ZNF280B: variants seen among roughly 807,000 people sequenced by gnomAD.
The protein encoded by ZNF280B is zinc finger protein 280B.
In ZNF280B, 16 loss-of-function variants were observed where a neutral mutation model predicts 38.0. That is an observed-to-expected ratio of 0.42 (90% CI 0.28 to 0.64). ZNF280B has a LOEUF of 0.64. Ranked by LOEUF, ZNF280B falls within the 30% of genes least tolerant of loss-of-function variation. The pLI, the probability that ZNF280B is intolerant of heterozygous loss-of-function variation, is 0.21. For synonymous variants in ZNF280B, 253 were observed against 230.6 expected (o/e 1.10, Z -0.88); for missense variants, 581 against 639.6 (o/e 0.91, Z 0.99).
rs1203041550 is a variant in ZNF280B at position 22,488,803 on chromosome 22, G to A, written c.596C>T (p.Ser199Phe). The A allele has an allele frequency of 6.2e-7, 1 of 1,613,826 alleles. No homozygotes were observed. ...KLRDGIIEGN[S>F]SASFPSDTFH... ...GGTATCTGAAGGGAATGAAGCTGAA[G>A]AATTTCCTTCTATAATTCCATCCCT... The change falls in exon 4 of 4, where the codon TCT becomes TTT. Residue 199 changes from serine (S) to phenylalanine (F), a missense_variant. Transcript: ENST00000626650.
intron 2 of ZNF280B, among the ~76,000 whole-genome samples, chr22:22,504,471 G>A (rs1390602334): frequency 1.3e-5 from 2 of 150,454 alleles, no homozygotes; most frequent in Non-Finnish European, 2.9e-5. Flanking sequence ...ACATTAACTA[G>A]GTGTTAAAAG....
intron 2 of ZNF280B, among the ~76,000 whole-genome samples, chr22:22,504,445 C>T (rs1350795828): frequency 7.2e-6 from 1 of 138,664 alleles, no homozygotes; most frequent in African/African-American, 2.7e-5. Flanking sequence ...AAAAAACAAA[C>T]AAACAACTTG....
At position 22,488,869 on chromosome 22, in the gene ZNF280B, G is replaced by A; in HGVS notation, c.530C>T (p.Thr177Ile). ...GGGATTTATGCTGTTTACTTCGAAA[G>A]TGGAAAGTTGCTTTGATACACGAGG... The part of the protein sequence containing the change: ...ESPRVSKQLS[T>I]FEVNSINPKR... The change falls in exon 4 of 4, where the codon ACT (threonine) becomes ATT (isoleucine). Residue 177 changes from threonine (T) to isoleucine (I), a missense_variant. Physicochemically the swap from Thr to Ile is moderately conservative, Grantham distance 89. Transcript: ENST00000626650. 6.2e-7 allele frequency: 1 copy of A among 1,613,740 alleles called. No individual in the cohort carries two copies. Among genetic ancestry groups the A allele is most frequent in the Non-Finnish European group, 8.5e-7 (1 of 1,179,984 alleles).
In ZNF280B at chr22:22,486,941, T is replaced by C. The variant is rs1279795570; in HGVS notation, c.*826A>G. On this transcript the variant is annotated 3_prime_UTR_variant, in exon 4 of 4. Coordinates refer to ENST00000626650, the MANE Select transcript of ZNF280B (RefSeq NM_080764.4). The stretch of plus-strand genomic sequence containing the variant: ...GGCTTTTCAGAATCTTTTCAGGTTA[T>C]TTTATGCCAGCACAGCAGAGGCACT... 3 of 152,032 alleles carry C rather than the reference T, an allele frequency of 2.0e-5. No individual in the cohort carries two copies. The highest frequency in any genetic ancestry group is 4.4e-5 in the Non-Finnish European group (3 of 68,046). 9.4% of individuals were successfully genotyped at this position (152,032 alleles called of 1,614,324 possible). A position where few individuals can be genotyped will look rare whatever the true frequency, so the allele number is the denominator to read the frequency against.
intron 2 of ZNF280B, among the ~76,000 whole-genome samples, chr22:22,506,910 TC>T (rs1487341636): frequency 6.6e-6 from 1 of 151,886 alleles, no homozygotes; most frequent in Non-Finnish European, 1.5e-5. Context: ...TTCCTGGAAT[TC>T]ACATAGTTGT....
intron 2 of ZNF280B, among the ~76,000 whole-genome samples, chr22:22,497,858 C>G (rs532060556): frequency 6.6e-6 from 1 of 151,982 alleles, no homozygotes; most frequent in South Asian, 2.1e-4. Flanking sequence ...TATGATCCCA[C>G]AAATCTAAGT....
Position 22,487,874 on chromosome 22 carries a change from G to A in ZNF280B, c.1525C>T (p.Pro509Ser). 6 of 1,613,798 alleles carry A rather than the reference G, an allele frequency of 3.7e-6. No individual in the cohort carries two copies. The highest frequency in any genetic ancestry group is 5.1e-6 in the Non-Finnish European group (6 of 1,179,916). Residue 509 changes from proline to serine, a missense_variant, in exon 4 of 4, where the codon CCT becomes TCT. Physicochemically the swap from Pro to Ser is moderately conservative, Grantham distance 74. Coordinates refer to ENST00000626650, the MANE Select transcript of ZNF280B (RefSeq NM_080764.4). ...ACATCCACTGATCCTGGCTGAAGAG[G>A]TTCCAGCGACACTTGAATAGTAACT... ...TKVTIQVSLE[P>S]LQPGSVDVAS... is the part of the protein sequence containing the mutation.
chr22:22,497,842 T>TA, intron 2 of ZNF280B, among the ~76,000 whole-genome samples: 1 of 152,032 alleles, frequency 6.6e-6, no homozygotes, highest in South Asian at 2.1e-4. Flanking sequence ...ATGTTAAACA[T>TA]AGACTTATGA....
At chr22:22,505,523 G>A (rs1372698809) in intron 2 of ZNF280B, among the ~76,000 whole-genome samples, 1 of 151,800 alleles carries the variant, frequency 6.6e-6, no homozygotes, top group Non-Finnish European at 1.5e-5. Context: ...CTGAGATCAT[G>A]CCACTGCACT....
chr22:22,487,566 A>G lies in ZNF280B; in HGVS notation c.*201T>C, dbSNP rs2061519072. 1 of 489,662 alleles carries G rather than the reference A, an allele frequency of 2.0e-6. No individual in the cohort carries two copies. The highest frequency in any genetic ancestry group is 2.0e-5 in the African/African-American group (1 of 50,264). 30.3% of individuals were successfully genotyped at this position (489,662 alleles called of 1,614,324 possible). ...ATGTGTTAAGCCAGATACAGTTAACATGAAAACCAGATGTTTTAAAATAAT... is the reference window on the plus strand; with the variant it reads ...ATGTGTTAAGCCAGATACAGTTAACGTGAAAACCAGATGTTTTAAAATAAT... On this transcript the variant is annotated 3_prime_UTR_variant, in exon 4 of 4. Transcript: ENST00000626650.
rs2061538645 is a variant in ZNF280B at position 22,488,809 on chromosome 22, C to T, written c.590G>A (p.Gly197Glu). The change falls in exon 4 of 4, where the codon GGA becomes GAA. Residue 197 changes from glycine to glutamate, a missense_variant. Physicochemically the swap from Gly to Glu is moderately conservative, Grantham distance 98. Transcript: ENST00000626650. ...RAKLRDGIIE[G>E]NSSASFPSDT... ...TGAAGGGAATGAAGCTGAAGAATTT[C>T]CTTCTATAATTCCATCCCTGAGTTT... is the stretch of plus-strand genomic sequence containing the variant. 1 of 1,613,654 alleles carries T rather than the reference C, an allele frequency of 6.2e-7. No homozygotes were observed. Among genetic ancestry groups the T allele is most frequent in the Non-Finnish European group, 8.5e-7 (1 of 1,179,952 alleles).
chr22:22,489,254 C>T lies in ZNF280B; in HGVS notation c.145G>A (p.Val49Met), dbSNP rs767294839. 5.8e-5 allele frequency: 94 copies of T among 1,613,662 alleles called. No individual in the cohort carries two copies. The highest frequency in any genetic ancestry group is 1.1e-4 in the African/African-American group (8 of 74,824). ...NEDAELIFVG[V>M]TSNSKPVVSN... ...ACGACTGGTTTTGAATTTGAAGTCA[C>T]CCCAACAAAGATTAGCTCAGCATCT... is the stretch of plus-strand genomic sequence containing the variant. The change falls in exon 4 of 4, where the codon GTG becomes ATG. Residue 49 changes from valine (V) to methionine (M), a missense_variant. Physicochemically the swap from Val to Met is conservative, Grantham distance 21. Transcript: ENST00000626650.
chr22:22,498,954 C>T (rs562454930), intron 2 of ZNF280B, among the ~76,000 whole-genome samples: 9 of 151,610 alleles, frequency 5.9e-5, no homozygotes, highest in South Asian at 2.1e-4. Context: ...CCCGCCATCA[C>T]GCCCAGCTAA....
At chr22:22,494,042 A>C (rs952108986) in intron 3 of ZNF280B, 21 bp downstream of exon 3, 1 of 151,800 alleles carries the variant, frequency 6.6e-6, no homozygotes, top group Admixed American at 6.6e-5. Flanking sequence ...TGGCGCCCTT[A>C]TAAGAGGAGA....
In ZNF280B at chr22:22,488,002, C is replaced by A. The variant is rs771863143; in HGVS notation, c.1397G>T (p.Arg466Leu). Residue 466 changes from arginine to leucine, a missense_variant, in exon 4 of 4, where the codon CGG becomes CTG. Physicochemically the swap from Arg to Leu is moderately radical, Grantham distance 102. Coordinates refer to ENST00000626650, the MANE Select transcript of ZNF280B (RefSeq NM_080764.4). ...CTCCTTGAAAGTTAAAAACTGTAGCCGGCACTTGGAACACTGGTGTGCACT... is the reference window on the plus strand; with the variant it reads ...CTCCTTGAAAGTTAAAAACTGTAGCAGGCACTTGGAACACTGGTGTGCACT... ...GKSAHQCSKC[R>L]LQFLTFKEKM... is the part of the protein sequence containing the mutation. 4.3e-6 allele frequency: 7 copies of A among 1,613,678 alleles called. No homozygotes were observed. Among genetic ancestry groups the A allele is most frequent in the Non-Finnish European group, 5.9e-6 (7 of 1,179,920 alleles).
Position 22,494,894 on chromosome 22 carries a change from A to G in ZNF280B, c.-186-714T>C, listed in dbSNP as rs190200129. ...AGGTGCGTGCCACCACGCCTGGCTA[A>G]TTTTTGTATTTTTAGTAGAGATGGG... On this transcript the variant is annotated intron_variant, in intron 2 of 3. Transcript: ENST00000626650. Among the ~76,000 whole-genome samples the G allele has an allele frequency of 4.8e-3, 723 of 151,798 alleles. 6 individuals carry two copies. The highest frequency in any genetic ancestry group is 0.017 in the African/African-American group (697 of 41,426).
chr22:22,507,947 A>G (rs550086107), intron 1 of ZNF280B, 77 bp from the exon 2 acceptor site: 1 of 152,082 alleles, frequency 6.6e-6, no homozygotes, highest in African/African-American at 2.4e-5. Context: ...TGACATTGCC[A>G]TTTAGGTGTT....
At chr22:22,501,456 C>T in intron 2 of ZNF280B, among the ~76,000 whole-genome samples, 1 of 151,426 alleles carries the variant, frequency 6.6e-6, no homozygotes. Context: ...CGCAGCTACT[C>T]GAGAGGCTGA....
At chr22:22,503,493 C>T (rs1015834064) in intron 2 of ZNF280B, among the ~76,000 whole-genome samples, 1 of 151,878 alleles carries the variant, frequency 6.6e-6, no homozygotes, top group Non-Finnish European at 1.5e-5. Context: ...AGACTCAATT[C>T]GTAGCAAGGA....
Sources: allele counts gnomAD v4.1 joint callset (sites outside exome capture counted in the v4.1 genomes callset), GRCh38; gene constraint gnomAD v4.1.1; transcripts MANE v1.5; gene names NCBI Gene and HGNC (gene_info 2026-07-23, HGNC 2026-07-21).